ZMYM4: variants seen among roughly 807,000 people sequenced by gnomAD.
The protein encoded by ZMYM4 is zinc finger MYM-type protein 4.
A neutral mutation model predicts 183.2 loss-of-function variants in ZMYM4; 31 were observed. The observed-to-expected ratio is 0.17, with a 90% confidence interval of 0.13 to 0.23. ZMYM4 has a LOEUF of 0.23. Ranked by LOEUF, ZMYM4 falls within the 10% of genes least tolerant of loss-of-function variation. The pLI, the probability that ZMYM4 is intolerant of heterozygous loss-of-function variation, is 1.00. For missense variants in ZMYM4, 1,273 were observed against 1,840.3 expected (o/e 0.69, Z 5.64); for synonymous variants, 592 against 631.2 (o/e 0.94, Z 0.93).
rs146268477 is a variant in ZMYM4, at chr1:35,334,180, T to A, written c.85+8775T>A. Among the ~76,000 whole-genome samples the A allele has an allele frequency of 8.5e-5, 13 of 152,100 alleles. 2 individuals are homozygous for A. The highest frequency in any genetic ancestry group is 2.7e-4 in the African/African-American group (11 of 41,508). On this transcript the variant is annotated intron_variant, in intron 2 of 29. Transcript: ENST00000314607. ...AAAATACAGAAAAAATTAGTTGGGC[T>A]TGGGGGCACATGCCTGTAGTCCCAG... is the stretch of plus-strand genomic sequence containing the variant.
Position 35,419,710 on chromosome 1 carries a change from T to G in ZMYM4, c.*33T>G. 3.1e-6 allele frequency: 5 copies of G among 1,599,886 alleles called. No homozygotes were observed. Among genetic ancestry groups the G allele is most frequent in the Non-Finnish European group, 4.3e-6 (5 of 1,167,962 alleles). On this transcript the variant is annotated 3_prime_UTR_variant, in exon 30 of 30. Coordinates refer to ENST00000314607, the MANE Select transcript of ZMYM4 (RefSeq NM_005095.3). ...GTGAGGTTCTTATTTTCATACATAT[T>G]GGTATGCACCAAACTGTGAATGCAT... is the stretch of plus-strand genomic sequence containing the variant.
At chr1:35,359,920 A>T (rs1643900368) in intron 3 of ZMYM4, among the ~76,000 whole-genome samples, 1 of 151,980 alleles carries the variant, frequency 6.6e-6, no homozygotes, top group Non-Finnish European at 1.5e-5. Context: ...AAAAACCCAA[A>T]CATTTCTAAT....
intron 1 of ZMYM4, among the ~76,000 whole-genome samples, chr1:35,316,451 TA>T (rs1642049812): frequency 6.6e-6 from 1 of 152,234 alleles, no homozygotes; most frequent in African/African-American, 2.4e-5. Flanking sequence ...GCATAAAGTA[TA>T]AACTTCAGTG....
intron 23 of ZMYM4, among the ~76,000 whole-genome samples, chr1:35,401,403 A>G (rs1318539727): frequency 1.3e-5 from 2 of 152,184 alleles, no homozygotes; most frequent in East Asian, 1.9e-4. Flanking sequence ...ATCTTTTCAT[A>G]TATGTATTTG....
chr1:35,403,458 G>T (rs1644948128), intron 23 of ZMYM4, among the ~76,000 whole-genome samples: 1 of 151,908 alleles, frequency 6.6e-6, no homozygotes, highest in Non-Finnish European at 1.5e-5. Flanking sequence ...GGTAATTTTT[G>T]TATTTTTAGT....
rs566371992 is a variant in ZMYM4, at chr1:35,298,573, T to A, written c.40-26787T>A. Among the ~76,000 whole-genome samples the A allele has an allele frequency of 1.2e-3, 177 of 152,262 alleles. 1 individual carries two copies. Among genetic ancestry groups the A allele is most frequent in the African/African-American group, 4.1e-3 (172 of 41,548 alleles). On this transcript the variant is annotated intron_variant, in intron 1 of 29. Transcript: ENST00000314607. ...ACAAAACTTGTCAGGAAACTACTCA[T>A]GCGTGTGTGCCTGTGTCACTGAGAC...
At chr1:35,383,351 T>C (rs913492465) in intron 9 of ZMYM4, among the ~76,000 whole-genome samples, 1 of 152,192 alleles carries the variant, frequency 6.6e-6, no homozygotes, top group Non-Finnish European at 1.5e-5. Flanking sequence ...TGCTAATCAT[T>C]CTTTTCCTTA....
chr1:35,399,280 A>G (rs1053671576), intron 22 of ZMYM4, among the ~76,000 whole-genome samples: 1 of 152,196 alleles, frequency 6.6e-6, no homozygotes, highest in African/African-American at 2.4e-5. Context: ...TAGTAGCTAT[A>G]TAAGAGGTTT....
At chr1:35,285,455 G>GA (rs971548321) in intron 1 of ZMYM4, among the ~76,000 whole-genome samples, 4 of 150,264 alleles carry the variant, frequency 2.7e-5, no homozygotes, top group Admixed American at 6.6e-5. Context: ...GTAGAATGAA[G>GA]AAAAAAAAGA....
chr1:35,340,128 A>G (rs1461336851), intron 2 of ZMYM4, among the ~76,000 whole-genome samples: 1 of 152,230 alleles, frequency 6.6e-6, no homozygotes, highest in Non-Finnish European at 1.5e-5. Context: ...TCAAATAACA[A>G]AAATTTTTTG....
At chr1:35,304,603 C>T (rs988795021) in intron 1 of ZMYM4, among the ~76,000 whole-genome samples, 8 of 150,688 alleles carry the variant, frequency 5.3e-5, no homozygotes, top group African/African-American at 2.0e-4. Context: ...GTGACTATAG[C>T]GTGTGCCACA....
In ZMYM4 at chr1:35,381,712, A is replaced by G; in HGVS notation, c.1523A>G (p.Gln508Arg). The change falls in exon 9 of 30, where the codon CAG becomes CGG. Residue 508 changes from glutamine to arginine, a missense_variant. This residue lies in a region of ZMYM4 where 319 missense variants were observed against 518.1 expected (regional missense o/e 0.62). Transcript: ENST00000314607. The part of the protein sequence containing the change: ...GQCHMLQIEG[Q>R]SKKFCSSSCI... Reference sequence around the variant, plus strand: ...TGCCACATGCTTCAGATAGAGGGACAGTCTAAGAAGTTTTGTAGTTCATCG... The same window carrying G: ...TGCCACATGCTTCAGATAGAGGGACGGTCTAAGAAGTTTTGTAGTTCATCG... 6.2e-7 allele frequency: 1 copy of G among 1,614,222 alleles called. No individual in the cohort carries two copies. Among genetic ancestry groups the G allele is most frequent in the Non-Finnish European group, 8.5e-7 (1 of 1,180,038 alleles).
intron 22 of ZMYM4, 112 bp from the exon 23 acceptor site, chr1:35,399,370 A>C (rs1644862705): frequency 9.8e-7 from 1 of 1,020,452 alleles, no homozygotes; most frequent in South Asian, 1.7e-5. Context: ...TTTTATCACA[A>C]ACAAACTAAT....
In ZMYM4 at chr1:35,412,050, AT is replaced by A. The variant is rs560248011; in HGVS notation, c.3949-1908del. ...AGGCGCCCGCCACCGCGCCCAGCTA[AT>A]TTTTTTTTTTTTTGTATTTTTAGTA... On this transcript the variant is annotated intron_variant, in intron 26 of 29. Transcript: ENST00000314607. 2.9e-3 allele frequency among the ~76,000 whole-genome samples: 409 copies of A among 143,422 alleles called. 1 individual carries two copies. Among genetic ancestry groups the A allele is most frequent in the Middle Eastern group, 3.6e-3 (1 of 280 alleles). The allele number at this position is 143,422 out of a possible 152,430, so 94.1% of individuals were successfully genotyped here. A position where few individuals can be genotyped will look rare whatever the true frequency, so the allele number is the denominator to read the frequency against.
intron 1 of ZMYM4, among the ~76,000 whole-genome samples, chr1:35,291,364 C>A (rs1640752762): frequency 6.6e-6 from 1 of 151,794 alleles, no homozygotes; most frequent in South Asian, 2.1e-4. Context: ...CTGAAGTGAC[C>A]CTCCCACATC....
intron 27 of ZMYM4, 63 bp downstream of exon 27, chr1:35,414,146 G>C: frequency 9.7e-7 from 1 of 1,027,178 alleles, no homozygotes; most frequent in South Asian, 1.5e-5. Flanking sequence ...AACTTTTTTG[G>C]TTATCTTTAA....
At chr1:35,335,803 AT>A (rs756690844) in intron 2 of ZMYM4, among the ~76,000 whole-genome samples, 3 of 152,254 alleles carry the variant, frequency 2.0e-5, no homozygotes, top group Non-Finnish European at 4.4e-5. Flanking sequence ...AATATAAAAA[AT>A]TAGCCGGACG....
intron 1 of ZMYM4, among the ~76,000 whole-genome samples, chr1:35,294,083 C>T (rs1374875529): frequency 6.7e-6 from 1 of 150,114 alleles, no homozygotes; most frequent in Non-Finnish European, 1.5e-5. Flanking sequence ...TGCAGTGAGC[C>T]AAGATTGCGC....
chr1:35,338,513 G>A (rs1333071514), intron 2 of ZMYM4, among the ~76,000 whole-genome samples: 1 of 152,150 alleles, frequency 6.6e-6, no homozygotes, highest in Non-Finnish European at 1.5e-5. Flanking sequence ...GTATCTGTGG[G>A]GTAGGGGAAT....
Sources: allele counts gnomAD v4.1 joint callset (sites outside exome capture counted in the v4.1 genomes callset), GRCh38; gene constraint gnomAD v4.1.1; regional missense constraint gnomAD v4.1.1; transcripts MANE v1.5; gene names NCBI Gene and HGNC (gene_info 2026-07-23, HGNC 2026-07-21).